Variants in TTC21B observed in about 807,000 individuals in gnomAD.
TTC21B encodes the protein tetratricopeptide repeat protein 21B.
TTC21B carries 127 observed loss-of-function variants against 175.1 expected under a neutral mutation model. The observed-to-expected ratio is 0.73, with a 90% CI of 0.63 to 0.84. The LOEUF (loss-of-function observed/expected upper bound fraction) is 0.84, where lower values mean the gene tolerates loss of function less well. TTC21B is among the 40% of genes least tolerant of loss of function. The pLI is 0.00. For synonymous variants in TTC21B, 524 were observed against 524.5 expected (o/e 1.00, Z 0.01); for missense variants, 1,561 against 1,558.3 (o/e 1.00, Z -0.03).
At chr2:165,927,071 TATATATATATATATCCTAGTAG>T in intron 11 of TTC21B, among the ~76,000 whole-genome samples, 1 of 31,854 alleles carries the variant, frequency 3.1e-5, no homozygotes, top group South Asian at 1.1e-3. Context: ...CTAGTAGATA[TATATATATATATATCCTAGTAG>T]ATATATATAT....
intron 26 of TTC21B, among the ~76,000 whole-genome samples, chr2:165,882,414 G>A (rs549866878): frequency 1.3e-5 from 2 of 152,244 alleles, no homozygotes; most frequent in South Asian, 4.1e-4. Flanking sequence ...TCTTCGAGAA[G>A]TCATGGATTT....
intron 22 of TTC21B, among the ~76,000 whole-genome samples, chr2:165,895,632 G>C (rs2105297618): frequency 6.6e-6 from 1 of 152,142 alleles, no homozygotes; most frequent in South Asian, 2.1e-4. Flanking sequence ...AAACAGTGTG[G>C]AACACAAGGT....
At chr2:165,916,762 C>G (rs1437147615) in intron 14 of TTC21B, among the ~76,000 whole-genome samples, 1 of 152,118 alleles carries the variant, frequency 6.6e-6, no homozygotes, top group South Asian at 2.1e-4. Flanking sequence ...TAAGGTCAAC[C>G]AGGAGCAAAT....
At chr2:165,923,453 T>G (rs10930188) in intron 12 of TTC21B, among the ~76,000 whole-genome samples, 15,538 of 150,918 alleles carry the variant, frequency 0.1, 989 homozygotes, top group East Asian at 0.26. Flanking sequence ...TTTTTTTTTT[T>G]TTTTTTTTTC....
chr2:165,927,320 A>AAT (rs1222358893), intron 11 of TTC21B, among the ~76,000 whole-genome samples: 2 of 54,306 alleles, frequency 3.7e-5, no homozygotes, highest in Admixed American at 2.6e-4. Flanking sequence ...TATATTATAT[A>AAT]ATATATATAT....
At chr2:165,951,691 A>G (rs1015282782) in intron 1 of TTC21B, among the ~76,000 whole-genome samples, 2 of 152,182 alleles carry the variant, frequency 1.3e-5, no homozygotes, top group African/African-American at 4.8e-5. Context: ...GCCTACTAGT[A>G]CCCAGGCACT....
chr2:165,948,189 A>G (rs530860331), intron 3 of TTC21B: 4 of 152,350 alleles, frequency 2.6e-5, no homozygotes, highest in South Asian at 4.1e-4. Context: ...ATTAAGTTCC[A>G]AAATTTCAAA....
chr2:165,878,556 G>C (rs1034337395), intron 27 of TTC21B, among the ~76,000 whole-genome samples: 3 of 149,284 alleles, frequency 2.0e-5, no homozygotes, highest in African/African-American at 7.4e-5. Context: ...ATGTGTGTGT[G>C]TGTATATATA....
intron 6 of TTC21B, among the ~76,000 whole-genome samples, chr2:165,936,252 C>T (rs1328784304): frequency 6.6e-6 from 1 of 152,074 alleles, no homozygotes; most frequent in Non-Finnish European, 1.5e-5. Flanking sequence ...AAAAACTGGA[C>T]ATCCACATGG....
intron 1 of TTC21B, among the ~76,000 whole-genome samples, chr2:165,950,070 T>TAAAAAAAAA (rs769740344): frequency 2.3e-5 from 3 of 128,916 alleles, no homozygotes; most frequent in Non-Finnish European, 3.2e-5. Context: ...AAACAGGAAC[T>TAAAAAAAAA]AAAAAAAAAA....
At position 165,932,958 on chromosome 2, in the gene TTC21B, T is replaced by C; in HGVS notation, c.795+15A>G. On this transcript the variant is annotated intron_variant, in intron 7 of 28. Transcript: ENST00000243344. The stretch of plus-strand genomic sequence containing the variant: ...TTTTTAATATAGGAAACTTAAATAA[T>C]ACAATGCCACTTACCTTCTCTATAT... 6.2e-7 allele frequency: 1 copy of C among 1,606,346 alleles called. No individual in the cohort carries two copies. The highest frequency in any genetic ancestry group is 8.5e-7 in the Non-Finnish European group (1 of 1,173,696).
chr2:165,905,900 A>C (rs1415022483), intron 19 of TTC21B, among the ~76,000 whole-genome samples: 1 of 152,172 alleles, frequency 6.6e-6, no homozygotes, highest in Non-Finnish European at 1.5e-5. Flanking sequence ...TTTCAAGTCC[A>C]CATGGAACCT....
chr2:165,921,181 G>A (rs1686392946), intron 12 of TTC21B, among the ~76,000 whole-genome samples: 1 of 152,166 alleles, frequency 6.6e-6, no homozygotes, highest in Admixed American at 6.5e-5. Context: ...CCTGTGATTA[G>A]AGGGTTGGTG....
At chr2:165,896,807 A>G (rs1410350345) in intron 22 of TTC21B, among the ~76,000 whole-genome samples, 1 of 152,186 alleles carries the variant, frequency 6.6e-6, no homozygotes, top group African/African-American at 2.4e-5. Context: ...TTTATTCTAC[A>G]GGGTATTAGA....
chr2:165,884,312 AAC>A (rs1328758366), intron 25 of TTC21B, among the ~76,000 whole-genome samples: 3 of 152,220 alleles, frequency 2.0e-5, no homozygotes, highest in African/African-American at 2.4e-5. Flanking sequence ...ATGGGATTCA[AAC>A]AGTCATGTTT....
intron 28 of TTC21B, 64 bp downstream of exon 28, chr2:165,876,101 G>A: frequency 1.1e-6 from 1 of 938,954 alleles, no homozygotes; most frequent in Non-Finnish European, 1.7e-6. Flanking sequence ...TACATCTGGA[G>A]ATTTAAAAAA....
chr2:165,896,140 G>A (rs1255112381), intron 22 of TTC21B, among the ~76,000 whole-genome samples: 3 of 27,766 alleles, frequency 1.1e-4, no homozygotes, highest in Non-Finnish European at 3.1e-4. Flanking sequence ...CAGATGCCTA[G>A]GGCATCAGCC....
chr2:165,875,288 C>G (rs1684630375), intron 28 of TTC21B, among the ~76,000 whole-genome samples: 2 of 151,444 alleles, frequency 1.3e-5, no homozygotes, highest in South Asian at 4.2e-4. Context: ...TTTTTTAACT[C>G]CAAAAATGAT....
chr2:165,904,341 TTAGA>T lies in TTC21B; in HGVS notation c.2569-2435_2569-2432del, dbSNP rs528344385. ...TACATATTTTAATGATATCATAAAC[TTAGA>T]TAGATATCACAGAAATCTAATAATC... On this transcript the variant is annotated intron_variant, in intron 19 of 28. Coordinates refer to ENST00000243344, the MANE Select transcript of TTC21B (RefSeq NM_024753.5). Among the ~76,000 whole-genome samples, 1,052 of 152,302 alleles carry T rather than the reference TTAGA, an allele frequency of 6.9e-3. 9 individuals carry two copies. Among genetic ancestry groups the T allele is most frequent in the Middle Eastern group, 0.02 (6 of 294 alleles).
Sources: allele counts gnomAD v4.1 joint callset (sites outside exome capture counted in the v4.1 genomes callset), GRCh38; gene constraint gnomAD v4.1.1; transcripts MANE v1.5; gene names NCBI Gene and HGNC (gene_info 2026-07-23, HGNC 2026-07-21).